SUPT5H: variants seen among roughly 807,000 people sequenced by gnomAD.
SUPT5H encodes the protein transcription elongation factor SPT5.
Under a neutral mutation model 142.5 loss-of-function variants are expected in SUPT5H, and 24 were observed. The observed-to-expected ratio is 0.17, with a 90% CI of 0.12 to 0.24. The LOEUF is 0.24. SUPT5H is among the 10% of genes least tolerant of loss of function. The pLI is 1.00. For synonymous variants in SUPT5H, 546 were observed against 553.0 expected (o/e 0.99, Z 0.18); for missense variants, 893 against 1,471.8 (o/e 0.61, Z 6.43).
chr19:39,469,308 C>A lies in SUPT5H; in HGVS notation c.1284C>A (p.Val428=). 7 of 1,614,200 alleles carry A rather than the reference C, an allele frequency of 4.3e-6. No homozygotes were observed. Among genetic ancestry groups the A allele is most frequent in the Non-Finnish European group, 5.9e-6 (7 of 1,180,034 alleles). ...TCCAACCTGGGGACAACGTGGAGGT[C>A]TGTGAGGGTGAGCTCATCAACCTGC... The part of the protein sequence containing the change: ...HNFQPGDNVE[V]CEGELINLQG... Residue 428 remains valine (V), a synonymous_variant, in exon 16 of 30, where the codon GTC becomes GTA. Coordinates refer to ENST00000432763, the MANE Select transcript of SUPT5H (RefSeq NM_001111020.3). This position sits in a 1 kb window ranked among gnomAD's most constrained non-coding sequence, Gnocchi z 5.1.
In SUPT5H at chr19:39,466,592, TGG is replaced by T. The variant is rs57236251; in HGVS notation, c.966+29_966+30del. On this transcript the variant is annotated intron_variant, in intron 12 of 29. Transcript: ENST00000432763. This position sits in a 1 kb window ranked among gnomAD's most constrained non-coding sequence, Gnocchi z 4.3. ...TTGGTACTCAGGGGAATCTGTGGCC[TGG>T]GGGGGAGGGAGTGTGCTCGATCCCA... 269,821 of 1,613,430 alleles carry T rather than the reference TGG, an allele frequency of 0.17. 23,178 individuals are homozygous for T. Among genetic ancestry groups the T allele is most frequent in the Non-Finnish European group, 0.18 (210,277 of 1,179,600 alleles).
intron 3 of SUPT5H, among the ~76,000 whole-genome samples, chr19:39,457,197 G>A (rs893864267): frequency 4.6e-5 from 7 of 152,174 alleles, no homozygotes; most frequent in African/African-American, 1.4e-4. Context: ...TAGGAACAAC[G>A]ATAGTGCCTC....
chr19:39,461,241 GA>G (rs970451553), intron 10 of SUPT5H, among the ~76,000 whole-genome samples: 1 of 151,986 alleles, frequency 6.6e-6, no homozygotes, highest in African/African-American at 2.4e-5. Flanking sequence ...AGTGAGCCAA[GA>G]CTGCGCTATT....
rs1300608184 is a variant in SUPT5H at position 39,470,938 on chromosome 19, C to G, written c.1677+415C>G. 1.3e-5 allele frequency among the ~76,000 whole-genome samples: 2 copies of G among 152,274 alleles called. No homozygotes were observed. Among genetic ancestry groups the G allele is most frequent in the East Asian group, 1.9e-4 (1 of 5,180 alleles). On this transcript the variant is annotated intron_variant, in intron 18 of 29. Transcript: ENST00000432763. This position sits in a 1 kb window ranked among gnomAD's most constrained non-coding sequence, Gnocchi z 5.8. The stretch of plus-strand genomic sequence containing the variant: ...TTTGTTGCTCCTGTGCTGTCTGACC[C>G]TGGGCTAGTGACTCACCCTCTCTGA...
intron 9 of SUPT5H, 29 bp from the exon 10 acceptor site, chr19:39,459,863 C>T (rs2079138775): frequency 4.3e-6 from 7 of 1,612,482 alleles, no homozygotes; most frequent in Middle Eastern, 1.6e-4. Context: ...ATCCTGTCAT[C>T]TCTCTCAAAT....
Position 39,471,219 on chromosome 19 carries a change from G to A in SUPT5H, c.1678-138G>A, listed in dbSNP as rs116204618. ...GGGTGGCACTCTGCCTGCCTGCCCC[G>A]CAGCCAGGGAATTGAGATGCCTTGT... On this transcript the variant is annotated intron_variant, in intron 18 of 29. Transcript: ENST00000432763. 3.5e-5 allele frequency: 37 copies of A among 1,051,264 alleles called. No individual in the cohort carries two copies. In the East Asian group the frequency reaches 6.6e-4, roughly 19 times the overall value. The allele number at this position is 1,051,264 out of a possible 1,614,324, so 65.1% of individuals were successfully genotyped here.
chr19:39,446,312 G>A (rs866916690), intron 2 of SUPT5H, among the ~76,000 whole-genome samples: 21 of 151,974 alleles, frequency 1.4e-4, no homozygotes, highest in Admixed American at 1.2e-3. Flanking sequence ...TTGCTCTTAG[G>A]GTACACCAGT....
intron 2 of SUPT5H, among the ~76,000 whole-genome samples, chr19:39,452,454 G>A (rs1180466518): frequency 6.6e-6 from 1 of 152,166 alleles, no homozygotes. Context: ...AGCTTGAAGA[G>A]GAGCTGGTGG....
chr19:39,474,240 C>T lies in SUPT5H; in HGVS notation c.2658C>T (p.Asn886=). ...TTCTCTCCTGTCTCTGCAGGTACAA[C>T]ACAGACCAGTTCTCTCCCTATGCTG... ...PQTPGTPAMY[N]TDQFSPYAAP... The change falls in exon 27 of 30, where the codon AAC becomes AAT. Residue 886 remains asparagine, a synonymous_variant. Transcript: ENST00000432763. This position sits in a 1 kb window ranked among gnomAD's most constrained non-coding sequence, Gnocchi z 6.5. The T allele has an allele frequency of 1.2e-6, 2 of 1,614,048 alleles. No individual in the cohort carries two copies. The highest frequency in any genetic ancestry group is 2.2e-5 in the South Asian group (2 of 91,082).
chr19:39,459,944 A>G lies in SUPT5H; in HGVS notation c.608A>G (p.Tyr203Cys). ...AISLMRKFIA[Y>C]QFTDTPLQIK... is the part of the protein sequence containing the mutation. ...TCCTTGATGCGCAAGTTCATTGCCT[A>G]CCAGTTCACAGACACGGTAAGTCGG... Residue 203 changes from tyrosine (Y) to cysteine (C), a missense_variant, in exon 10 of 30, where the codon TAC becomes TGC. Around this residue, in one of 6 missense-constraint regions of SUPT5H, gnomAD observed 428 missense variants for 763.5 expected, o/e 0.56. Coordinates refer to ENST00000432763, the MANE Select transcript of SUPT5H (RefSeq NM_001111020.3). 2 of 1,614,002 alleles carry G rather than the reference A, an allele frequency of 1.2e-6. No individual in the cohort carries two copies. The highest frequency in any genetic ancestry group is 1.7e-6 in the Non-Finnish European group (2 of 1,180,018).
intron 19 of SUPT5H, 37 bp downstream of exon 19, chr19:39,471,540 A>G: frequency 6.2e-7 from 1 of 1,613,868 alleles, no homozygotes; most frequent in Non-Finnish European, 8.5e-7. Context: ...TGCATCTGAA[A>G]GAATTTGGTT....
rs758797006 is a variant in SUPT5H at position 39,471,709 on chromosome 19, G to T, written c.1929G>T (p.Leu643=). The T allele has an allele frequency of 6.2e-7, 1 of 1,614,088 alleles. No homozygotes were observed. Among genetic ancestry groups the T allele is most frequent in the Admixed American group, 1.7e-5 (1 of 60,028 alleles). ...TGTTTGTCTGCAAGACCCGCCACCT[G>T]GTGCTGGCTGGGGGCTCAAAGGTGA... The part of the protein sequence containing the change: ...GGMFVCKTRH[L]VLAGGSKPRD... The change falls in exon 20 of 30, where the codon CTG becomes CTT. Residue 643 remains leucine, a synonymous_variant. Transcript: ENST00000432763.
At chr19:39,451,881 G>C (rs912445539) in intron 2 of SUPT5H, among the ~76,000 whole-genome samples, 1 of 152,170 alleles carries the variant, frequency 6.6e-6, no homozygotes, top group East Asian at 1.9e-4. Flanking sequence ...TAGGTAAATG[G>C]ATTGTAGTAA....
intron 4 of SUPT5H, 199 bp downstream of exon 4, chr19:39,457,939 G>T: frequency 9.9e-7 from 1 of 1,008,120 alleles, no homozygotes; most frequent in African/African-American, 1.6e-5. Context: ...GGGGCCCTGG[G>T]GTGGGGATGT....
At position 39,458,399 on chromosome 19, in the gene SUPT5H, A is replaced by C; in HGVS notation, c.319+94A>C. The C allele has an allele frequency of 6.3e-7, 1 of 1,589,324 alleles. No individual in the cohort carries two copies. The highest frequency in any genetic ancestry group is 1.7e-5 in the Admixed American group (1 of 58,912). Reference sequence around the variant, plus strand: ...ACCTGCCCTCACCGGTAGCCTCCCCACCAGCCCCGGTCTGGCCCTGAGGGC... The same window carrying C: ...ACCTGCCCTCACCGGTAGCCTCCCCCCCAGCCCCGGTCTGGCCCTGAGGGC... On this transcript the variant is annotated intron_variant, in intron 5 of 29. Transcript: ENST00000432763. This position sits in a 1 kb window ranked among gnomAD's most constrained non-coding sequence, Gnocchi z 4.2.
In SUPT5H at chr19:39,458,117, T is replaced by A; in HGVS notation, c.308-177T>A. Reference sequence around the variant, plus strand: ...ACATTTCGGCTTCTCCCCAACCACCTGGTGCCTGGCCTTTACTTTTGGTTT... The same window carrying A: ...ACATTTCGGCTTCTCCCCAACCACCAGGTGCCTGGCCTTTACTTTTGGTTT... On this transcript the variant is annotated intron_variant, in intron 4 of 29. Transcript: ENST00000432763. This position sits in a 1 kb window ranked among gnomAD's most constrained non-coding sequence, Gnocchi z 4.2. 9.0e-7 allele frequency: 1 copy of A among 1,116,822 alleles called. No individual in the cohort carries two copies. The highest frequency in any genetic ancestry group is 2.6e-5 in the Admixed American group (1 of 38,452). The allele number at this position is 1,116,822 out of a possible 1,614,324, so 69.2% of individuals were successfully genotyped here.
chr19:39,456,257 T>C (rs1038546858), intron 3 of SUPT5H, among the ~76,000 whole-genome samples: 5 of 150,012 alleles, frequency 3.3e-5, no homozygotes, highest in Admixed American at 6.7e-5. Context: ...AAAGACAGGA[T>C]CTCACTCCGT....
chr19:39,472,782 G>T lies in SUPT5H; in HGVS notation c.2036-28G>T, dbSNP rs763954291. On this transcript the variant is annotated intron_variant, in intron 21 of 29. Transcript: ENST00000432763. The surrounding 1 kb of genome is among the most constrained non-coding windows in gnomAD (Gnocchi z 4.2). ...CCTTGCTGTGGGCACAGCCGTGGGG[G>T]ACCAGTGACATTCTCCCCAATCCCC... 6.2e-7 allele frequency: 1 copy of T among 1,601,708 alleles called. No homozygotes were observed. The highest frequency in any genetic ancestry group is 1.7e-5 in the Admixed American group (1 of 59,090).
intron 2 of SUPT5H, among the ~76,000 whole-genome samples, chr19:39,452,525 AG>A (rs952485916): frequency 2.0e-5 from 3 of 152,174 alleles, no homozygotes; most frequent in African/African-American, 7.2e-5. Flanking sequence ...GCATTTCTCC[AG>A]GGAGGGCATG....
Sources: allele counts gnomAD v4.1 joint callset (sites outside exome capture counted in the v4.1 genomes callset), GRCh38; gene constraint gnomAD v4.1.1; regional missense constraint gnomAD v4.1.1; non-coding constraint Gnocchi (gnomAD v3.1); transcripts MANE v1.5; gene names NCBI Gene and HGNC (gene_info 2026-07-23, HGNC 2026-07-21).